MTMR8: variants seen among roughly 807,000 people sequenced by gnomAD.
The protein encoded by MTMR8 is phosphatidylinositol-3,5-bisphosphate 3-phosphatase MTMR8.
A neutral mutation model predicts 39.3 loss-of-function variants in MTMR8; 65 were observed. The ratio of observed to expected loss-of-function variants is 1.65; its 90% CI spans 1.35 to 2.03. The LOEUF is 2.03. Among genes scored for constraint, MTMR8 ranks in the 30% most tolerant of loss-of-function variants. The pLI is 0.00. For synonymous variants in MTMR8, 245 were observed against 185.2 expected (o/e 1.32, Z -2.62); for missense variants, 777 against 538.9 (o/e 1.44, Z -4.37).
At chrX:64,374,260 G>C (rs1335870188) in intron 1 of MTMR8, among the ~76,000 whole-genome samples, 1 of 111,882 alleles carries the variant, frequency 8.9e-6, no homozygotes, top group Non-Finnish European at 1.9e-5. Context: ...CCAAGTTTCA[G>C]AAAGATTCCC....
chrX:64,306,009 G>C (rs1033621125), intron 12 of MTMR8: 3 of 188,066 alleles, frequency 1.6e-5, no homozygotes, highest in Non-Finnish European at 3.0e-5. Flanking sequence ...CCAGCTACTC[G>C]GGAGGCTAAG....
At chrX:64,296,554 G>A (rs1358597509) in intron 12 of MTMR8, among the ~76,000 whole-genome samples, 2 of 103,950 alleles carry the variant, frequency 1.9e-5, no homozygotes, top group Non-Finnish European at 3.9e-5. Context: ...GATAGCCTCT[G>A]TATATGGACC....
intron 6 of MTMR8, among the ~76,000 whole-genome samples, chrX:64,347,387 G>T (rs1432866053): frequency 1.8e-5 from 2 of 111,620 alleles, no homozygotes; most frequent in Non-Finnish European, 3.8e-5. Context: ...CTTTTCAATT[G>T]CAGAATTTCA....
chrX:64,368,564 A>G (rs1924041857), intron 1 of MTMR8, among the ~76,000 whole-genome samples: 1 of 111,949 alleles, frequency 8.9e-6, no homozygotes, highest in South Asian at 3.7e-4. Context: ...ATATGTAGAA[A>G]GCTGAAACTG....
At chrX:64,311,065 G>T in intron 12 of MTMR8, among the ~76,000 whole-genome samples, 1 of 111,803 alleles carries the variant, frequency 8.9e-6, no homozygotes, top group Non-Finnish European at 1.9e-5. Context: ...AGATCCTTGA[G>T]GAATCACCAC....
At chrX:64,335,886 G>A (rs776800181) in intron 10 of MTMR8, among the ~76,000 whole-genome samples, 193 bp downstream of exon 10, 2 of 112,195 alleles carry the variant, frequency 1.8e-5, no homozygotes, top group South Asian at 7.4e-4. Context: ...TGAAAACAGG[G>A]ATAATATTCT....
chrX:64,285,228 G>T (rs1345256586), intron 12 of MTMR8, among the ~76,000 whole-genome samples: 1 of 111,514 alleles, frequency 9.0e-6, no homozygotes, highest in Admixed American at 9.5e-5. Flanking sequence ...GACAAAGAAG[G>T]CCATTACATA....
At chrX:64,364,042 G>T (rs1291948503) in intron 1 of MTMR8, among the ~76,000 whole-genome samples, 11 of 112,463 alleles carry the variant, frequency 9.8e-5, no homozygotes, top group Non-Finnish European at 1.9e-4. Flanking sequence ...GGGGAGGGGT[G>T]TCCACCATTG....
At chrX:64,355,222 G>A (rs890347759) in intron 3 of MTMR8, among the ~76,000 whole-genome samples, 3 of 112,064 alleles carry the variant, frequency 2.7e-5, no homozygotes, top group African/African-American at 9.7e-5. Flanking sequence ...ACTGAACTGA[G>A]GCTTCAGGGT....
intron 12 of MTMR8, among the ~76,000 whole-genome samples, chrX:64,288,312 T>G (rs201724639): frequency 2.7e-5 from 3 of 110,976 alleles, no homozygotes; most frequent in African/African-American, 9.8e-5. Context: ...TCAAAACCAC[T>G]ATGAGATACC....
chrX:64,341,065 T>C (rs1425304420), intron 8 of MTMR8, among the ~76,000 whole-genome samples: 1 of 112,251 alleles, frequency 8.9e-6, no homozygotes, highest in Non-Finnish European at 1.9e-5. Flanking sequence ...TAGCGAAAAA[T>C]TAGAAACAAC....
intron 12 of MTMR8, among the ~76,000 whole-genome samples, chrX:64,299,151 A>G (rs1223274819): frequency 1.2e-5 from 1 of 86,192 alleles, no homozygotes; most frequent in Non-Finnish European, 2.2e-5. Flanking sequence ...TTCAGAAGGA[A>G]TGGTACCAGT....
intron 1 of MTMR8, among the ~76,000 whole-genome samples, chrX:64,387,399 T>C (rs140529117): frequency 0.022 from 2,415 of 111,066 alleles, 63 homozygotes; most frequent in African/African-American, 0.074. Context: ...GAGTGCTGTG[T>C]GACACTTAAA....
intron 1 of MTMR8, among the ~76,000 whole-genome samples, chrX:64,367,712 C>T (rs928760114): frequency 2.7e-5 from 3 of 111,832 alleles, no homozygotes; most frequent in African/African-American, 6.5e-5. Context: ...CACAGGGATG[C>T]CCTCTCTCAC....
At chrX:64,392,218 C>T (rs1242689571) in intron 1 of MTMR8, among the ~76,000 whole-genome samples, 1 of 111,652 alleles carries the variant, frequency 9.0e-6, no homozygotes, top group Non-Finnish European at 1.9e-5. Flanking sequence ...CCAGAAATTC[C>T]ACTCCGATGG....
chrX:64,300,378 A>G (rs1231066284), intron 12 of MTMR8, among the ~76,000 whole-genome samples: 1 of 111,405 alleles, frequency 9.0e-6, no homozygotes, highest in African/African-American at 3.3e-5. Context: ...AGTCTGTTTT[A>G]TCAGACACTA....
At chrX:64,297,030 G>A (rs1403794694) in intron 12 of MTMR8, among the ~76,000 whole-genome samples, 22 of 98,511 alleles carry the variant, frequency 2.2e-4, no homozygotes, top group African/African-American at 4.1e-4. Context: ...GAATAATGCC[G>A]CAATAAACAT....
At chrX:64,276,514 G>T (rs1931875194) in intron 12 of MTMR8, among the ~76,000 whole-genome samples, 1 of 111,634 alleles carries the variant, frequency 9.0e-6, no homozygotes, top group African/African-American at 3.3e-5. Context: ...TAATTACCCA[G>T]TAGTCATTCA....
chrX:64,363,502 G>A (rs2147236545), intron 1 of MTMR8, among the ~76,000 whole-genome samples: 1 of 112,292 alleles, frequency 8.9e-6, no homozygotes, highest in African/African-American at 3.2e-5. Flanking sequence ...TTTATGCCAT[G>A]ATTGTAAGCT....
Sources: gnomAD v4.1 joint callset for allele counts (sites outside exome capture counted in the v4.1 genomes callset) on GRCh38, gnomAD v4.1.1 for gene constraint, MANE v1.5 for transcripts, NCBI Gene and HGNC (gene_info 2026-07-23, HGNC 2026-07-21) for gene names.